The following SPAG16 variants were observed in gnomAD, a reference collection of about 807,000 sequenced individuals.
The protein encoded by SPAG16 is sperm-associated antigen 16 protein.
Under a neutral mutation model 80.4 loss-of-function variants are expected in SPAG16, and 86 were observed. That is an observed-to-expected ratio of 1.07 (90% CI 0.90 to 1.28). The LOEUF is 1.28. Among genes scored for constraint, SPAG16 ranks in the 50% most tolerant of loss-of-function variants. The pLI, the probability that SPAG16 is intolerant of heterozygous loss-of-function variation, is 0.00. For missense variants in SPAG16, 870 were observed against 765.3 expected, an observed-to-expected ratio of 1.14 and a Z score of -1.61; for synonymous variants, 294 against 265.9, an observed-to-expected ratio of 1.11 and a Z score of -1.03.
At chr2:213,765,609 G>T (rs1319579128) in intron 10 of SPAG16, among the ~76,000 whole-genome samples, 1 of 152,036 alleles carries the variant, frequency 6.6e-6, no homozygotes, top group Non-Finnish European at 1.5e-5. Flanking sequence ...GTGTGTGTGT[G>T]TGTGTTATTT....
At chr2:213,814,137 G>A (rs979438133) in intron 10 of SPAG16, among the ~76,000 whole-genome samples, 4 of 152,204 alleles carry the variant, frequency 2.6e-5, no homozygotes, top group East Asian at 1.9e-4. Flanking sequence ...TCAGGCTGAC[G>A]GGGTAGAAAT....
At chr2:213,327,237 C>CTT (rs2063883048) in intron 5 of SPAG16, among the ~76,000 whole-genome samples, 1 of 151,220 alleles carries the variant, frequency 6.6e-6, no homozygotes, top group Non-Finnish European at 1.5e-5. Context: ...ATATTAGCTG[C>CTT]TTATATGAAT....
intron 9 of SPAG16, among the ~76,000 whole-genome samples, chr2:213,409,006 G>C (rs10197091): frequency 0.22 from 32,934 of 151,532 alleles, 4,365 homozygotes; most frequent in Non-Finnish European, 0.31. Flanking sequence ...AAGGAAGTTC[G>C]CTTTGAAAAA....
At chr2:213,458,177 T>A (rs1369371850) in intron 9 of SPAG16, among the ~76,000 whole-genome samples, 2 of 152,170 alleles carry the variant, frequency 1.3e-5, no homozygotes, top group African/African-American at 4.8e-5. Flanking sequence ...TTCTTTTAGA[T>A]ATACTCACAT....
chr2:214,276,116 C>T (rs1433017167), intron 15 of SPAG16, among the ~76,000 whole-genome samples: 2 of 152,010 alleles, frequency 1.3e-5, no homozygotes, highest in African/African-American at 4.8e-5. Context: ...GAATTGCAAC[C>T]CCTGCTTTTC....
At chr2:213,921,537 G>T (rs1559590481) in intron 11 of SPAG16, among the ~76,000 whole-genome samples, 1 of 152,048 alleles carries the variant, frequency 6.6e-6, no homozygotes, top group African/African-American at 2.4e-5. Flanking sequence ...TACATTCAAG[G>T]TTACTATTCA....
intron 13 of SPAG16, among the ~76,000 whole-genome samples, chr2:214,050,571 CTT>C (rs899981505): frequency 6.6e-6 from 1 of 152,088 alleles, no homozygotes; most frequent in Non-Finnish European, 1.5e-5. Context: ...AATTGGGACT[CTT>C]TTTAAGTCTC....
At chr2:213,626,254 A>G (rs1327356258) in intron 10 of SPAG16, among the ~76,000 whole-genome samples, 2 of 152,152 alleles carry the variant, frequency 1.3e-5, no homozygotes, top group Non-Finnish European at 1.5e-5. Context: ...AGCATATTAA[A>G]TGGAAGGAAT....
At chr2:214,306,566 T>C (rs1694929394) in intron 15 of SPAG16, among the ~76,000 whole-genome samples, 1 of 152,204 alleles carries the variant, frequency 6.6e-6, no homozygotes, top group South Asian at 2.1e-4. Flanking sequence ...ACCTCGTTTA[T>C]TGGAGAGTTT....
At chr2:214,221,285 T>C (rs2058560069) in intron 15 of SPAG16, among the ~76,000 whole-genome samples, 1 of 152,180 alleles carries the variant, frequency 6.6e-6, no homozygotes. Context: ...ATGTAGTTTT[T>C]TTTGAATGAT....
intron 9 of SPAG16, among the ~76,000 whole-genome samples, chr2:213,471,594 G>A (rs1438912058): frequency 6.6e-6 from 1 of 152,150 alleles, no homozygotes; most frequent in Non-Finnish European, 1.5e-5. Context: ...ACCTATGGGG[G>A]CCTGCCAGAG....
intron 15 of SPAG16, among the ~76,000 whole-genome samples, chr2:214,271,843 C>CG (rs768968499): frequency 4.3e-5 from 4 of 92,350 alleles, no homozygotes; most frequent in South Asian, 3.4e-4. Context: ...CTGTGGGAAA[C>CG]CCCCCCCCCA....
chr2:214,186,617 A>G (rs940765239), intron 15 of SPAG16, among the ~76,000 whole-genome samples: 13 of 152,098 alleles, frequency 8.5e-5, no homozygotes, highest in African/African-American at 2.9e-4. Context: ...TGGAGCATAC[A>G]TGTCACTCCA....
intron 10 of SPAG16, among the ~76,000 whole-genome samples, chr2:213,586,781 G>T (rs558911934): frequency 6.6e-6 from 1 of 152,182 alleles, no homozygotes; most frequent in Non-Finnish European, 1.5e-5. Context: ...GGGTAGACAC[G>T]TAACATTAGC....
intron 14 of SPAG16, among the ~76,000 whole-genome samples, 193 bp from the exon 15 acceptor site, chr2:214,148,947 A>G (rs2055809667): frequency 6.6e-6 from 1 of 151,512 alleles, no homozygotes; most frequent in South Asian, 2.1e-4. Context: ...ATTAACAACT[A>G]TTTCTTAGTT....
At chr2:214,135,618 T>G (rs1380655993) in intron 14 of SPAG16, among the ~76,000 whole-genome samples, 1 of 152,102 alleles carries the variant, frequency 6.6e-6, no homozygotes, top group African/African-American at 2.4e-5. Flanking sequence ...ATTAATGCCT[T>G]CCCTGAGGGA....
At chr2:213,420,219 A>G (rs2069503398) in intron 9 of SPAG16, among the ~76,000 whole-genome samples, 1 of 152,220 alleles carries the variant, frequency 6.6e-6, no homozygotes, top group Non-Finnish European at 1.5e-5. Context: ...CTTCACGGAG[A>G]ATAAACCCTG....
At chr2:213,607,259 G>A (rs1217736526) in intron 10 of SPAG16, among the ~76,000 whole-genome samples, 2 of 152,116 alleles carry the variant, frequency 1.3e-5, no homozygotes, top group African/African-American at 4.8e-5. Flanking sequence ...AATACATACT[G>A]TAGTAAAATA....
rs2062952582 is a variant in SPAG16 at position 213,306,655 on chromosome 2, C to T, written c.280-3404C>T. ...GCTGGGATGGGCAAGTCCCCTCTTG[C>T]TAGGGCTGGTTGAAATGCTCCCTCT... On this transcript the variant is annotated intron_variant, in intron 3 of 15. Transcript: ENST00000331683. 2.0e-5 allele frequency among the ~76,000 whole-genome samples: 3 copies of T among 151,978 alleles called. No homozygotes were observed. The South Asian group carries it at 6.2e-4, about 32-fold the overall frequency.
Sources: gnomAD v4.1 joint callset for allele counts (sites outside exome capture counted in the v4.1 genomes callset) on GRCh38, gnomAD v4.1.1 for gene constraint, MANE v1.5 for transcripts, NCBI Gene and HGNC (gene_info 2026-07-23, HGNC 2026-07-21) for gene names.